The following TENM2 variants were observed in gnomAD, a reference collection of about 807,000 sequenced individuals.
The protein encoded by TENM2 is teneurin transmembrane protein 2.
In TENM2, 52 loss-of-function variants were observed where a neutral mutation model predicts 245.2. That is an observed-to-expected ratio of 0.21 (90% CI 0.17 to 0.27). The LOEUF is 0.27. Among genes scored for constraint, TENM2 ranks in the 10% least tolerant of loss-of-function variants. TENM2 has a pLI of 1.00. For missense variants in TENM2, 3,046 were observed against 3,666.8 expected, an observed-to-expected ratio of 0.83 and a Z score of 4.37; for synonymous variants, 1,363 against 1,438.9, an observed-to-expected ratio of 0.95 and a Z score of 1.19.
intron 2 of TENM2, among the ~76,000 whole-genome samples, chr5:167,522,298 C>T (rs978989498): frequency 2.0e-5 from 3 of 152,028 alleles, no homozygotes; most frequent in Non-Finnish European, 2.9e-5. Flanking sequence ...TACCCTTGAA[C>T]AAAAATGGCA....
rs182541579 is a variant in TENM2, at chr5:167,355,808, A to C, written c.227-19390A>C. 6.6e-3 allele frequency among the ~76,000 whole-genome samples: 1,005 copies of C among 152,140 alleles called. 12 individuals are homozygous for C. The highest frequency in any genetic ancestry group is 0.023 in the African/African-American group (959 of 41,482). Reference sequence around the variant, plus strand: ...TTGCCCGTCATTCTAGAGATGGAGCAGTTTTGCTGAGAAAAGTTGGCATTT... The same window carrying C: ...TTGCCCGTCATTCTAGAGATGGAGCCGTTTTGCTGAGAAAAGTTGGCATTT... On this transcript the variant is annotated intron_variant, in intron 1 of 28. Coordinates refer to ENST00000518659, the Ensembl canonical transcript of TENM2.
chr5:167,576,132 A>C (rs998831207), intron 2 of TENM2, among the ~76,000 whole-genome samples: 1 of 152,260 alleles, frequency 6.6e-6, no homozygotes, highest in African/African-American at 2.4e-5. Context: ...TTGCCTCACC[A>C]AACAACTGTC....
In TENM2 at chr5:167,730,962, C is replaced by T. The variant is rs566774931; in HGVS notation, c.503-145024C>T. Among the ~76,000 whole-genome samples, 6 of 152,286 alleles carry T rather than the reference C, an allele frequency of 3.9e-5. No individual in the cohort carries two copies. In the South Asian group the frequency reaches 1.2e-3, roughly 32 times the overall value. On this transcript the variant is annotated intron_variant, in intron 2 of 28. Transcript: ENST00000518659. The stretch of plus-strand genomic sequence containing the variant: ...TGAAATCATTGGTTCAGTTATAAGA[C>T]ACTCCATGCACTATTGAAATACGAC...
the TENM2 span, among the ~76,000 whole-genome samples, chr5:167,136,462 C>A: frequency 6.6e-6 from 1 of 152,304 alleles, no homozygotes; most frequent in African/African-American, 2.4e-5. Context: ...CAGGGGAACA[C>A]AATATTGAGA....
At chr5:167,393,353 C>T (rs559124605) in intron 2 of TENM2, among the ~76,000 whole-genome samples, 2 of 151,820 alleles carry the variant, frequency 1.3e-5, no homozygotes, top group Non-Finnish European at 2.9e-5. Context: ...AAACGGGAGT[C>T]GGAGGGCCAA....
chr5:167,271,759 C>G, the TENM2 span, among the ~76,000 whole-genome samples: 1 of 152,154 alleles, frequency 6.6e-6, no homozygotes, highest in Non-Finnish European at 1.5e-5. Flanking sequence ...ACATGTAGCT[C>G]TGAAGCTAGG....
intron 1 of TENM2, among the ~76,000 whole-genome samples, chr5:167,308,262 G>C (rs547840446): frequency 6.6e-6 from 1 of 152,046 alleles, no homozygotes; most frequent in South Asian, 2.1e-4. Context: ...TCCTGATCAC[G>C]GTGAGCCATG....
intron 2 of TENM2, among the ~76,000 whole-genome samples, chr5:167,762,760 C>T (rs148775408): frequency 6.6e-6 from 1 of 152,290 alleles, no homozygotes; most frequent in African/African-American, 2.4e-5. Flanking sequence ...TTAAAAACAT[C>T]CAGCTAAAAA....
intron 12 of TENM2, among the ~76,000 whole-genome samples, chr5:168,143,779 A>C (rs1335925661): frequency 3.3e-5 from 5 of 151,496 alleles, no homozygotes; most frequent in African/African-American, 7.3e-5. Flanking sequence ...GTTTCTTTCA[A>C]TGATACCAGT....
chr5:167,927,120 T>C (rs984480183), intron 3 of TENM2, among the ~76,000 whole-genome samples: 1 of 152,108 alleles, frequency 6.6e-6, no homozygotes, highest in Non-Finnish European at 1.5e-5. Flanking sequence ...ATACAAGTCT[T>C]ATGGGAGAGA....
chr5:167,318,477 A>C (rs1219896652), intron 1 of TENM2, among the ~76,000 whole-genome samples: 1 of 152,114 alleles, frequency 6.6e-6, no homozygotes, highest in African/African-American at 2.4e-5. Context: ...GGTGTGAATA[A>C]AACGAGATAA....
chr5:167,063,246 G>A, the TENM2 span, among the ~76,000 whole-genome samples: 1 of 152,042 alleles, frequency 6.6e-6, no homozygotes, highest in Non-Finnish European at 1.5e-5. Context: ...TCTGTGTCAG[G>A]CACGGAGTAG....
chr5:167,984,844 T>C (rs756928228), intron 4 of TENM2, among the ~76,000 whole-genome samples: 9 of 152,182 alleles, frequency 5.9e-5, no homozygotes, highest in Non-Finnish European at 7.3e-5. Context: ...TCTCTCCTTC[T>C]GTTTTTGCTT....
At chr5:167,018,896 C>T in the TENM2 span, among the ~76,000 whole-genome samples, 12 of 152,198 alleles carry the variant, frequency 7.9e-5, no homozygotes, top group Non-Finnish European at 1.8e-4. Context: ...ATAATACCTT[C>T]CCTGGCTGAC....
rs10581183 is a variant in TENM2 at position 167,550,699 on chromosome 5, AGTGTGTGTGTGTGTGTGTGTGTGTGTGT to A, written c.502+175250_502+175277del. On this transcript the variant is annotated intron_variant, in intron 2 of 28. Coordinates refer to ENST00000518659, the Ensembl canonical transcript of TENM2. ...AATTACCTTTTTTTTTGTTGTTGTT[AGTGTGTGTGTGTGTGTGTGTGTGTGTGT>A]GTGTGTGTGTGTGTGTGTGTGTGAT... Among the ~76,000 whole-genome samples the A allele has an allele frequency of 2.6e-4, 30 of 114,176 alleles. 1 individual carries two copies. Among genetic ancestry groups the A allele is most frequent in the African/African-American group, 9.0e-4 (26 of 28,984 alleles). 74.9% of individuals were successfully genotyped at this position (114,176 alleles called of 152,430 possible). A position where few individuals can be genotyped will look rare whatever the true frequency, so the allele number is the denominator to read the frequency against.
intron 2 of TENM2, among the ~76,000 whole-genome samples, chr5:167,600,960 C>T (rs1346792116): frequency 2.6e-5 from 4 of 152,172 alleles, no homozygotes; most frequent in Non-Finnish European, 4.4e-5. Context: ...CGCCATTTGA[C>T]ATTCATGGCA....
At chr5:167,382,058 A>C (rs1761124167) in intron 2 of TENM2, among the ~76,000 whole-genome samples, 1 of 152,110 alleles carries the variant, frequency 6.6e-6, no homozygotes, top group African/African-American at 2.4e-5. Context: ...AGTACTGAAA[A>C]ATTAAGGTCA....
chr5:167,564,791 A>G (rs188820627), intron 2 of TENM2, among the ~76,000 whole-genome samples: 17 of 152,270 alleles, frequency 1.1e-4, no homozygotes, highest in Admixed American at 1.1e-3. Context: ...GCTTTCTTTC[A>G]TGGGGATGGC....
chr5:167,329,500 C>G (rs1023835153), intron 1 of TENM2, among the ~76,000 whole-genome samples: 1 of 131,558 alleles, frequency 7.6e-6, no homozygotes, highest in South Asian at 2.4e-4. Context: ...TGCAGTGAGC[C>G]GCGATCATGC....
Sources: gnomAD v4.1 joint callset for allele counts (sites outside exome capture counted in the v4.1 genomes callset) on GRCh38, gnomAD v4.1.1 for gene constraint, MANE v1.5 for transcripts, NCBI Gene and HGNC (gene_info 2026-07-23, HGNC 2026-07-21) for gene names.